Variants in PTCHD4 observed in about 807,000 individuals in gnomAD.
The protein encoded by PTCHD4 is patched domain-containing protein 4.
Under a neutral mutation model 58.1 loss-of-function variants are expected in PTCHD4, and 33 were observed. The observed-to-expected ratio is 0.57, with a 90% CI of 0.43 to 0.76. PTCHD4 has a LOEUF of 0.76. PTCHD4 is among the 30% of genes least tolerant of loss of function. The pLI is 0.00. For missense variants in PTCHD4, 1,058 were observed against 1,027.1 expected, an observed-to-expected ratio of 1.03 and a Z score of -0.41; for synonymous variants, 478 against 409.6, an observed-to-expected ratio of 1.17 and a Z score of -2.02.
rs1360077 is a variant in PTCHD4 at position 47,869,135 on chromosome 6, G to A, written c.*9168C>T. Among the ~76,000 whole-genome samples the A allele has an allele frequency of 0.67, 100,990 of 151,502 alleles. 34,144 individuals carry two copies. Among genetic ancestry groups the A allele is most frequent in the East Asian group, 0.78 (3,990 of 5,102 alleles). On this transcript the variant is annotated 3_prime_UTR_variant, in exon 5 of 5. Coordinates refer to ENST00000339488, the MANE Select transcript of PTCHD4 (RefSeq NM_001384253.1). ...TATTTTGAATGTTGGTTATCTATGC[G>A]TTATGTATAATGCCACCACATTATT...
At chr6:48,105,354 T>G (rs936033353) in intron 1 of PTCHD4, among the ~76,000 whole-genome samples, 2 of 146,956 alleles carry the variant, frequency 1.4e-5, no homozygotes, top group Non-Finnish European at 3.0e-5. Context: ...GAATGACTAC[T>G]GGGTACACGA....
chr6:48,033,513 C>G (rs551364818), intron 3 of PTCHD4, among the ~76,000 whole-genome samples: 2 of 151,468 alleles, frequency 1.3e-5, no homozygotes, highest in African/African-American at 4.9e-5. Flanking sequence ...CTTCAATGGA[C>G]TTAGTGTGGA....
At position 48,043,842 on chromosome 6, in the gene PTCHD4, C is replaced by T. The variant is rs373621874; in HGVS notation, c.417+24388G>A. On this transcript the variant is annotated intron_variant, in intron 3 of 4. Transcript: ENST00000339488. ...CTGTAAAAGTTATACAGAATTCTAGCAGATCTTAAGACAAGATGCTATTTA... is the reference window on the plus strand; with the variant it reads ...CTGTAAAAGTTATACAGAATTCTAGTAGATCTTAAGACAAGATGCTATTTA... 1.2e-3 allele frequency among the ~76,000 whole-genome samples: 188 copies of T among 151,942 alleles called. 4 individuals carry two copies. In the South Asian group the frequency reaches 0.037, roughly 30 times the overall value.
Position 48,084,717 on chromosome 6 carries a change from T to C in PTCHD4, c.-969-14791A>G, listed in dbSNP as rs904696495. On this transcript the variant is annotated intron_variant, in intron 1 of 4. Transcript: ENST00000339488. ...TTTATAACAGTGATTGAGAGTACTT[T>C]TCTTTTTTTCTTTCTTTCTTTTTTT... 4.6e-5 allele frequency among the ~76,000 whole-genome samples: 7 copies of C among 151,842 alleles called. No homozygotes were observed. In the East Asian group the frequency reaches 1.2e-3, roughly 25 times the overall value.
rs1763711542 is a variant in PTCHD4 at position 47,871,444 on chromosome 6, C to G, written c.*6859G>C. 6.6e-6 allele frequency among the ~76,000 whole-genome samples: 1 copy of G among 151,606 alleles called. No homozygotes were observed. The highest frequency in any genetic ancestry group is 1.5e-5 in the Non-Finnish European group (1 of 67,692). ...TTATTTGTGCATCTTACTGGGTAGA[C>G]TGCTGCCTCTAATCAAAGTCAGATT... On this transcript the variant is annotated 3_prime_UTR_variant, in exon 5 of 5. Coordinates refer to ENST00000339488, the MANE Select transcript of PTCHD4 (RefSeq NM_001384253.1).
At chr6:47,979,026 T>C (rs1431937476) in intron 4 of PTCHD4, among the ~76,000 whole-genome samples, 2 of 152,154 alleles carry the variant, frequency 1.3e-5, no homozygotes, top group African/African-American at 4.8e-5. Flanking sequence ...AAACTCTTAA[T>C]GAATAACAGT....
chr6:48,000,680 C>T (rs191556418), intron 4 of PTCHD4, among the ~76,000 whole-genome samples: 2 of 152,272 alleles, frequency 1.3e-5, no homozygotes, highest in Admixed American at 6.5e-5. Context: ...ATGCTCTCAT[C>T]CCCATATGCA....
At chr6:48,036,884 G>C (rs770467039) in intron 3 of PTCHD4, among the ~76,000 whole-genome samples, 17 of 152,280 alleles carry the variant, frequency 1.1e-4, no homozygotes, top group Admixed American at 2.6e-4. Context: ...CACTGTGCCT[G>C]ATAAGGGATT....
At chr6:48,074,513 A>G (rs2113887310) in intron 1 of PTCHD4, among the ~76,000 whole-genome samples, 1 of 152,288 alleles carries the variant, frequency 6.6e-6, no homozygotes, top group Admixed American at 6.5e-5. Context: ...ATTTCCTCTT[A>G]AGTCTCATTT....
At chr6:48,006,418 C>G (rs768618684) in intron 4 of PTCHD4, among the ~76,000 whole-genome samples, 3 of 152,142 alleles carry the variant, frequency 2.0e-5, no homozygotes, top group Non-Finnish European at 4.4e-5. Flanking sequence ...CTGGTAAATG[C>G]TTTCATTACC....
intron 3 of PTCHD4, among the ~76,000 whole-genome samples, chr6:48,065,317 C>A (rs899072500): frequency 1.3e-5 from 2 of 152,146 alleles, no homozygotes; most frequent in African/African-American, 4.8e-5. Context: ...TTTCTGCCTT[C>A]CAATAGCATT....
chr6:48,045,071 T>G (rs964456138), intron 3 of PTCHD4, among the ~76,000 whole-genome samples: 1 of 151,762 alleles, frequency 6.6e-6, no homozygotes, highest in Admixed American at 6.6e-5. Flanking sequence ...TCTGCCACAA[T>G]GGTTATTATA....
chr6:48,050,680 ACACACC>A (rs1764201655), intron 3 of PTCHD4, among the ~76,000 whole-genome samples: 1 of 152,028 alleles, frequency 6.6e-6, no homozygotes, highest in African/African-American at 2.4e-5. Context: ...TCCATTGAGC[ACACACC>A]ACCATTACAT....
intron 4 of PTCHD4, among the ~76,000 whole-genome samples, chr6:47,882,931 G>A (rs919558546): frequency 6.6e-6 from 1 of 151,006 alleles, no homozygotes; most frequent in Non-Finnish European, 1.5e-5. Flanking sequence ...CAGGACATCT[G>A]GTAAAGTGAT....
intron 3 of PTCHD4, among the ~76,000 whole-genome samples, chr6:48,055,976 A>G (rs896697716): frequency 6.6e-6 from 1 of 152,234 alleles, no homozygotes; most frequent in African/African-American, 2.4e-5. Context: ...CCACATATGG[A>G]ATATTAGGAT....
intron 3 of PTCHD4, among the ~76,000 whole-genome samples, chr6:48,016,559 C>T (rs1762874832): frequency 6.6e-6 from 1 of 151,848 alleles, no homozygotes; most frequent in Admixed American, 6.6e-5. Context: ...ATTGGAATTA[C>T]AGGTCATGAT....
chr6:48,007,506 T>G (rs1762485483), intron 4 of PTCHD4, among the ~76,000 whole-genome samples: 1 of 152,176 alleles, frequency 6.6e-6, no homozygotes, highest in South Asian at 2.1e-4. Flanking sequence ...GAGAAACAAT[T>G]ATTTTGTTTA....
intron 4 of PTCHD4, among the ~76,000 whole-genome samples, chr6:47,976,457 A>T (rs1767692780): frequency 6.6e-6 from 1 of 152,098 alleles, no homozygotes; most frequent in Non-Finnish European, 1.5e-5. Context: ...GTTCCAGACC[A>T]GCCTGGTCAA....
chr6:47,864,894 G>A lies in PTCHD4; in HGVS notation c.*13409C>T, dbSNP rs1239433633. 6.6e-6 allele frequency among the ~76,000 whole-genome samples: 1 copy of A among 151,852 alleles called. No individual in the cohort carries two copies. Among genetic ancestry groups the A allele is most frequent in the East Asian group, 1.9e-4 (1 of 5,144 alleles). On this transcript the variant is annotated 3_prime_UTR_variant, in exon 5 of 5. Transcript: ENST00000339488. ...TTACATATATATCCATCTTTGTCCA[G>A]TGCTGACATAACATTGCAATACTAC...
Sources: allele counts gnomAD v4.1 joint callset (sites outside exome capture counted in the v4.1 genomes callset), GRCh38; gene constraint gnomAD v4.1.1; transcripts MANE v1.5; gene names NCBI Gene and HGNC (gene_info 2026-07-23, HGNC 2026-07-21).